NR1D2: variants seen among roughly 807,000 people sequenced by gnomAD.
NR1D2 encodes the protein V-erbA-related protein 1-related.
A neutral mutation model predicts 52.2 loss-of-function variants in NR1D2; 25 were observed. The ratio of observed to expected loss-of-function variants is 0.48; its 90% CI spans 0.35 to 0.67. The LOEUF (loss-of-function observed/expected upper bound fraction) is 0.67. NR1D2 is among the 30% of genes least tolerant of loss of function. The probability of loss-of-function intolerance (pLI) is 0.01; values close to 1 mark genes in which losing one functional copy is unlikely to be tolerated. For synonymous variants in NR1D2, 259 were observed against 230.1 expected (o/e 1.13, Z -1.14); for missense variants, 681 against 707.2 (o/e 0.96, Z 0.42).
At chr3:23,951,372 A>T (rs1336182963) in intron 1 of NR1D2, among the ~76,000 whole-genome samples, 2 of 152,194 alleles carry the variant, frequency 1.3e-5, no homozygotes, top group African/African-American at 4.8e-5. Flanking sequence ...TACTTAAGAC[A>T]CTATTTTAGA....
At chr3:23,976,617 T>G (rs1036019518) in intron 7 of NR1D2, among the ~76,000 whole-genome samples, 1 of 152,234 alleles carries the variant, frequency 6.6e-6, no homozygotes, top group African/African-American at 2.4e-5. Flanking sequence ...TGGCAGCAGC[T>G]TTTCTCAGAG....
Position 23,968,023 on chromosome 3 carries a change from G to A in NR1D2, c.1543G>A (p.Asp515Asn). Residue 515 changes from aspartate (D) to asparagine (N), a missense_variant and splice_region_variant, in exon 7 of 8, where the codon GAT (aspartate) becomes AAT (asparagine). Physicochemically the swap from Asp to Asn is conservative, Grantham distance 23. This residue lies in a region of NR1D2 where 475 missense variants were observed against 454.5 expected (regional missense o/e 1.05). Coordinates refer to ENST00000312521, the MANE Select transcript of NR1D2 (RefSeq NM_005126.5). ...LFTAVVLVSA[D>N]RSGIENVNSV... The stretch of plus-strand genomic sequence containing the variant: ...TACAGCTGTTGTCCTGGTATCTGCA[G>A]GTAAGCAAGCTGGTTCAAAATTGTG... The A allele has an allele frequency of 6.2e-7, 1 of 1,613,828 alleles. No homozygotes were observed. Among genetic ancestry groups the A allele is most frequent in the Non-Finnish European group, 8.5e-7 (1 of 1,179,732 alleles).
chr3:23,971,426 C>T (rs1428867510), intron 7 of NR1D2, among the ~76,000 whole-genome samples: 1 of 150,128 alleles, frequency 6.7e-6, no homozygotes, highest in African/African-American at 2.5e-5. Context: ...CCAACACCAT[C>T]CTCAGCTAAT....
chr3:23,957,390 CTTT>C lies in NR1D2; in HGVS notation c.372+1288_372+1290del, dbSNP rs201651739. On this transcript the variant is annotated intron_variant, in intron 3 of 7. Coordinates refer to ENST00000312521, the MANE Select transcript of NR1D2 (RefSeq NM_005126.5). ...AAAAAGATTCTCCTTCTCTATATATCTTTTTTTTTTTTTTTTTTTTTTTTTACA... is the reference window on the plus strand; with the variant it reads ...AAAAAGATTCTCCTTCTCTATATATCTTTTTTTTTTTTTTTTTTTTTTACA... Among the ~76,000 whole-genome samples, 380 of 110,518 alleles carry C rather than the reference CTTT, an allele frequency of 3.4e-3. 7 individuals are homozygous for C. In the East Asian group the frequency reaches 0.046, roughly 13 times the overall value. The allele number at this position is 110,518 out of a possible 152,430, so 72.5% of individuals were successfully genotyped here.
rs535505717 is a variant in NR1D2 at position 23,960,400 on chromosome 3, G to A, written c.517+585G>A. Among the ~76,000 whole-genome samples the A allele has an allele frequency of 2.6e-5, 4 of 152,064 alleles. No homozygotes were observed. The South Asian group carries it at 8.4e-4, about 32-fold the overall frequency. On this transcript the variant is annotated intron_variant, in intron 4 of 7. Transcript: ENST00000312521. ...AACCTGGGTGACACGGTGACACTCT[G>A]TCTCAATGTAGCCTCTATCTCCCAG...
At chr3:23,945,968 C>T (rs920761149) in intron 1 of NR1D2, among the ~76,000 whole-genome samples, 45 of 151,424 alleles carry the variant, frequency 3.0e-4, no homozygotes, top group Admixed American at 2.6e-3. Context: ...GGCGGGGACA[C>T]GTGAGGCCGC....
At chr3:23,961,499 G>A (rs182589065) in intron 4 of NR1D2, among the ~76,000 whole-genome samples, 1 of 146,536 alleles carries the variant, frequency 6.8e-6, no homozygotes, top group Admixed American at 7.0e-5. Context: ...GGGTTCAAGC[G>A]ATTCTCCTGC....
At position 23,979,516 on chromosome 3, in the gene NR1D2, T is replaced by TA. The variant is rs1255457942; in HGVS notation, c.*2098dup. 1 of 152,098 alleles carries TA rather than the reference T, an allele frequency of 6.6e-6. No homozygotes were observed. The highest frequency in any genetic ancestry group is 1.5e-5 in the Non-Finnish European group (1 of 67,956). The allele number at this position is 152,098 out of a possible 1,614,324, so 9.4% of individuals were successfully genotyped here. A position where few individuals can be genotyped will look rare whatever the true frequency, so the allele number is the denominator to read the frequency against. ...TAGGAATGTGTAACCAGAACTATGTTAGTATTGCTTATAAAACTTTAGTTA... is the reference window on the plus strand; with the variant it reads ...TAGGAATGTGTAACCAGAACTATGTTAAGTATTGCTTATAAAACTTTAGTTA... On this transcript the variant is annotated 3_prime_UTR_variant, in exon 8 of 8. Coordinates refer to ENST00000312521, the MANE Select transcript of NR1D2 (RefSeq NM_005126.5).
chr3:23,975,530 C>T (rs982048262), intron 7 of NR1D2, among the ~76,000 whole-genome samples: 13 of 152,050 alleles, frequency 8.5e-5, no homozygotes, highest in South Asian at 6.2e-4. Context: ...CCAGCACTTT[C>T]GGAGGCCGAG....
At chr3:23,965,226 G>A (rs924403442) in intron 6 of NR1D2, 64 bp downstream of exon 6, 2 of 446,898 alleles carry the variant, frequency 4.5e-6, no homozygotes, top group Non-Finnish European at 7.4e-6. Context: ...TTTCATGGAT[G>A]TTTTAATTCT....
rs1010414114 is a variant in NR1D2, at chr3:23,957,133, C to A, written c.372+1008C>A. Among the ~76,000 whole-genome samples the A allele has an allele frequency of 4.6e-5, 7 of 152,078 alleles. 1 individual carries two copies. Among genetic ancestry groups the A allele is most frequent in the Middle Eastern group, 6.8e-3 (2 of 294 alleles). On this transcript the variant is annotated intron_variant, in intron 3 of 7. Coordinates refer to ENST00000312521, the MANE Select transcript of NR1D2 (RefSeq NM_005126.5). ...GAGTAGCTGGGATTACAGGCACACGCCACCACTCCAGGCTAATTTTTGTAT... is the reference window on the plus strand; with the variant it reads ...GAGTAGCTGGGATTACAGGCACACGACACCACTCCAGGCTAATTTTTGTAT...
intron 3 of NR1D2, 112 bp downstream of exon 3, chr3:23,956,237 C>T (rs1291031925): frequency 3.8e-6 from 3 of 792,686 alleles, no homozygotes; most frequent in African/African-American, 3.4e-5. Flanking sequence ...AAGTCAGCTG[C>T]TCTTTTTAAG....
At chr3:23,958,944 G>C (rs1038576333) in intron 3 of NR1D2, among the ~76,000 whole-genome samples, 5 of 152,058 alleles carry the variant, frequency 3.3e-5, no homozygotes, top group African/African-American at 1.2e-4. Context: ...GCAAGAGTCT[G>C]TCTCAAGAAA....
chr3:23,948,043 G>A (rs894990334), intron 1 of NR1D2, among the ~76,000 whole-genome samples: 2 of 152,148 alleles, frequency 1.3e-5, no homozygotes, highest in East Asian at 3.9e-4. Context: ...CTTGAACCTG[G>A]GAGGTGAAGA....
At chr3:23,945,828 C>G (rs1344888957) in intron 1 of NR1D2, among the ~76,000 whole-genome samples, 2 of 150,718 alleles carry the variant, frequency 1.3e-5, no homozygotes, top group African/African-American at 2.4e-5. Context: ...CGGCCCGGCC[C>G]CCCCCTCACA....
chr3:23,957,390 C>CTTTTTTTTTTTTT (rs201651739), intron 3 of NR1D2, among the ~76,000 whole-genome samples: 1 of 110,540 alleles, frequency 9.0e-6, no homozygotes, highest in African/African-American at 3.6e-5. Context: ...CTCTATATAT[C>CTTTTTTTTTTTTT]TTTTTTTTTT....
chr3:23,953,397 G>A (rs1484036206), intron 1 of NR1D2, among the ~76,000 whole-genome samples: 2 of 150,960 alleles, frequency 1.3e-5, no homozygotes, highest in African/African-American at 2.4e-5. Flanking sequence ...GGGTTGTGGC[G>A]GTTATATAAA....
At chr3:23,963,210 A>G in intron 5 of NR1D2, 1 of 1,243,920 alleles carries the variant, frequency 8.0e-7, no homozygotes. Flanking sequence ...CAAATACGAC[A>G]TTCTACATCA....
rs776512747 is a variant in NR1D2, at chr3:23,962,316, G to T, written c.857G>T (p.Arg286Leu). 1.9e-6 allele frequency: 3 copies of T among 1,614,138 alleles called. No individual in the cohort carries two copies. Among genetic ancestry groups the T allele is most frequent in the African/African-American group, 2.7e-5 (2 of 75,040 alleles). ...AGCATGCAGCCCCAGAGAGGAGAACGGATTCCCAAGAACATGGAGCAATAT... is the reference window on the plus strand; with the variant it reads ...AGCATGCAGCCCCAGAGAGGAGAACTGATTCCCAAGAACATGGAGCAATAT... ...AESMQPQRGE[R>L]IPKNMEQYNL... is the part of the protein sequence containing the mutation. The change falls in exon 5 of 8, where the codon CGG becomes CTG. Residue 286 changes from arginine to leucine, a missense_variant. By Grantham distance (102) the Arg-to-Leu change is moderately radical. Transcript: ENST00000312521.
Sources: allele counts gnomAD v4.1 joint callset (sites outside exome capture counted in the v4.1 genomes callset), GRCh38; gene constraint gnomAD v4.1.1; regional missense constraint gnomAD v4.1.1; transcripts MANE v1.5; gene names NCBI Gene and HGNC (gene_info 2026-07-23, HGNC 2026-07-21).